Variants in BRSK2 observed in about 807,000 individuals in gnomAD.
The protein encoded by BRSK2 is BR serine/threonine kinase 2, also known as serine/threonine-protein kinase BRSK2.
BRSK2 carries 19 observed loss-of-function variants against 83.3 expected under a neutral mutation model. The observed-to-expected ratio is 0.23, with a 90% confidence interval of 0.16 to 0.33. BRSK2 has a LOEUF of 0.33. BRSK2 is among the 10% of genes least tolerant of loss of function. The probability of loss-of-function intolerance (pLI) is 1.00; values close to 1 mark genes in which losing one functional copy is unlikely to be tolerated. For missense variants in BRSK2, 798 were observed against 1,042.3 expected, an observed-to-expected ratio of 0.77 and a Z score of 3.23; for synonymous variants, 519 against 435.4, an observed-to-expected ratio of 1.19 and a Z score of -2.39.
At chr11:1,447,435 C>A (rs1461122738) in intron 12 of BRSK2, among the ~76,000 whole-genome samples, 1 of 152,222 alleles carries the variant, frequency 6.6e-6, no homozygotes, top group East Asian at 1.9e-4. Flanking sequence ...ATGGGCCAGG[C>A]CATGGACCAT....
chr11:1,451,277 T>C, intron 14 of BRSK2, 94 bp from the exon 15 acceptor site: 3 of 1,436,852 alleles, frequency 2.1e-6, no homozygotes, highest in East Asian at 4.5e-5. Context: ...GTGGGTGGAC[T>C]CCTGATGACC....
intron 18 of BRSK2, 28 bp downstream of exon 18, chr11:1,456,715 T>C (rs1846594549): frequency 6.4e-7 from 1 of 1,564,316 alleles, no homozygotes; most frequent in Non-Finnish European, 8.6e-7. Context: ...CCGGCCAACC[T>C]GCGGCCTGCG....
chr11:1,456,793 C>T (rs1846614929), intron 18 of BRSK2, 106 bp downstream of exon 18: 2 of 1,347,712 alleles, frequency 1.5e-6, no homozygotes, highest in Admixed American at 4.1e-5. Context: ...CCTCCTGGCC[C>T]CTCTTGACGG....
At chr11:1,445,030 C>T (rs373948276) in intron 9 of BRSK2, 28 bp downstream of exon 9, 29 of 1,607,262 alleles carry the variant, frequency 1.8e-5, no homozygotes, top group Non-Finnish European at 2.4e-5. Context: ...CCACTAATCG[C>T]CTGCTTTGCC....
At chr11:1,446,091 AGCTGGGCTGG>A (rs915905837) in intron 12 of BRSK2, among the ~76,000 whole-genome samples, 184 bp downstream of exon 12, 3 of 89,520 alleles carry the variant, frequency 3.4e-5, no homozygotes, top group Admixed American at 2.2e-4. Context: ...GGCTGGGCTT[AGCTGGGCTGG>A]GCTGGGCTGG....
At chr11:1,395,815 C>A (rs1214312891) in intron 1 of BRSK2, among the ~76,000 whole-genome samples, 1 of 152,236 alleles carries the variant, frequency 6.6e-6, no homozygotes, top group Non-Finnish European at 1.5e-5. Context: ...GTGCCCCCTC[C>A]CCCAGCTGTG....
At position 1,454,270 on chromosome 11, in the gene BRSK2, G is replaced by T. The variant is rs1236828464; in HGVS notation, c.1545-215G>T. The T allele has an allele frequency of 7.5e-6, 4 of 531,286 alleles. No homozygotes were observed. In the Admixed American group the frequency reaches 1.3e-4, roughly 17 times the overall value. The allele number at this position is 531,286 out of a possible 1,614,324, so 32.9% of individuals were successfully genotyped here. A position where few individuals can be genotyped will look rare whatever the true frequency, so the allele number is the denominator to read the frequency against. The stretch of plus-strand genomic sequence containing the variant: ...AGGGCTTGGAGAAAGGTTAGGGTTG[G>T]GGTTGGGGTTAGAGCCACGGTGATG... On this transcript the variant is annotated intron_variant, in intron 15 of 19. Transcript: ENST00000528841. The surrounding 1 kb of genome is among the most constrained non-coding windows in gnomAD (Gnocchi z 5.2).
intron 12 of BRSK2, among the ~76,000 whole-genome samples, chr11:1,448,396 A>C (rs749347977): frequency 6.6e-6 from 1 of 152,080 alleles, no homozygotes; most frequent in South Asian, 2.1e-4. Flanking sequence ...CCCCGTGCCT[A>C]CCTGGGACCC....
intron 8 of BRSK2, among the ~76,000 whole-genome samples, chr11:1,443,888 C>T (rs1189124269): frequency 1.3e-5 from 2 of 151,666 alleles, no homozygotes; most frequent in Non-Finnish European, 2.9e-5. Flanking sequence ...GTGGGAGTGC[C>T]CAGGCGTGTG....
intron 1 of BRSK2, among the ~76,000 whole-genome samples, chr11:1,399,592 CGGGGCTCAAACT>C (rs1564793782): frequency 6.6e-6 from 1 of 151,956 alleles, no homozygotes; most frequent in Non-Finnish European, 1.5e-5. Context: ...CACAGTCCCT[CGGGGCTCAAACT>C]GGCAGCTGTC....
intron 1 of BRSK2, among the ~76,000 whole-genome samples, chr11:1,417,229 A>G (rs1027798584): frequency 6.6e-6 from 1 of 152,188 alleles, no homozygotes; most frequent in Non-Finnish European, 1.5e-5. Context: ...CTCTGGGAAC[A>G]AGTGCCTTAG....
intron 18 of BRSK2, 82 bp from the exon 19 acceptor site, chr11:1,459,110 T>C: frequency 1.8e-6 from 2 of 1,128,304 alleles, no homozygotes. Flanking sequence ...CCCCTCCCCA[T>C]CGAGGCTGTG....
chr11:1,459,082 A>C, intron 18 of BRSK2, 110 bp from the exon 19 acceptor site: 1 of 933,450 alleles, frequency 1.1e-6, no homozygotes, highest in Non-Finnish European at 1.6e-6. Context: ...CTGGGGCCCT[A>C]CCCACTCCTG....
rs1463828470 is a variant in BRSK2 at position 1,423,529 on chromosome 11, C to T, written c.92-12511C>T. Among the ~76,000 whole-genome samples the T allele has an allele frequency of 5.3e-5, 8 of 152,198 alleles. No homozygotes were observed. The highest frequency in any genetic ancestry group is 1.9e-4 in the East Asian group (1 of 5,174). On this transcript the variant is annotated intron_variant, in intron 1 of 19. Coordinates refer to ENST00000528841, the MANE Select transcript of BRSK2 (RefSeq NM_001256627.2). The surrounding 1 kb of genome is among the most constrained non-coding windows in gnomAD (Gnocchi z 6.5). ...GGCCCACAGTCGTGTGAGCAGAGGA[C>T]GGCACTCGCGAGCTCCCTGGGGCTC...
Position 1,446,054 on chromosome 11 carries a change from TGGGC to T in BRSK2, c.1226+148_1226+151del, listed in dbSNP as rs1178975140. On this transcript the variant is annotated intron_variant, in intron 12 of 19. Coordinates refer to ENST00000528841, the MANE Select transcript of BRSK2 (RefSeq NM_001256627.2). ...TGGGCTAAACTGGGCTTAGCTGGGC[TGGGC>T]TGGGCTGGGCTTGGCTGGGCTGGGC... 2.2e-3 allele frequency: 516 copies of T among 238,736 alleles called. 16 individuals are homozygous for T. The highest frequency in any genetic ancestry group is 5.7e-3 in the Middle Eastern group (3 of 528). The allele number at this position is 238,736 out of a possible 1,614,324, so 14.8% of individuals were successfully genotyped here.
intron 1 of BRSK2, among the ~76,000 whole-genome samples, chr11:1,420,048 A>T (rs1048590403): frequency 1.3e-5 from 2 of 152,256 alleles, no homozygotes; most frequent in African/African-American, 4.8e-5. Flanking sequence ...GGTTGAGTGC[A>T]GAGCCTCCTC....
Position 1,443,536 on chromosome 11 carries a change from G to A in BRSK2, c.681G>A (p.Lys227=), listed in dbSNP as rs1163546382. 1 of 1,608,976 alleles carries A rather than the reference G, an allele frequency of 6.2e-7. No homozygotes were observed. Among genetic ancestry groups the A allele is most frequent in the Non-Finnish European group, 8.5e-7 (1 of 1,178,100 alleles). ...DDDNLRQLLE[K]VKRGVFHMPH... is the part of the protein sequence containing the mutation. ...ACAACTTGCGACAGCTGCTGGAGAA[G>A]GTGAAGCGGGGCGTGTTCCACATGC... Residue 227 remains lysine, a synonymous_variant, in exon 8 of 20, where the codon AAG becomes AAA. Coordinates refer to ENST00000528841, the MANE Select transcript of BRSK2 (RefSeq NM_001256627.2).
chr11:1,402,519 C>T (rs933784780), intron 1 of BRSK2, among the ~76,000 whole-genome samples: 23 of 152,334 alleles, frequency 1.5e-4, no homozygotes, highest in African/African-American at 5.1e-4. Context: ...GTGTAACCCT[C>T]TGGCTGCCCC....
intron 8 of BRSK2, 118 bp downstream of exon 8, chr11:1,443,753 G>C (rs1000986146): frequency 7.7e-7 from 1 of 1,292,228 alleles, no homozygotes; most frequent in Non-Finnish European, 1.0e-6. Context: ...TGTGTGGGTC[G>C]GTGCCCAGGT....
Sources: gnomAD v4.1 joint callset for allele counts (sites outside exome capture counted in the v4.1 genomes callset) on GRCh38, gnomAD v4.1.1 for gene constraint, Gnocchi (gnomAD v3.1) non-coding constraint, MANE v1.5 for transcripts, NCBI Gene and HGNC (gene_info 2026-07-23, HGNC 2026-07-21) for gene names.